Variants in RELN observed in about 807,000 individuals in gnomAD.
The protein encoded by RELN is reelin.
RELN carries 108 observed loss-of-function variants against 427.6 expected under a neutral mutation model. The ratio of observed to expected loss-of-function variants is 0.25; its 90% CI spans 0.22 to 0.30. The LOEUF is 0.30. Among genes scored for constraint, RELN ranks in the 10% least tolerant of loss-of-function variants. RELN has a pLI of 1.00. For missense variants in RELN, 3,715 were observed against 4,302.8 expected (o/e 0.86, Z 3.82); for synonymous variants, 1,524 against 1,513.4 (o/e 1.01, Z -0.16).
intron 19 of RELN, among the ~76,000 whole-genome samples, chr7:103,632,720 T>C (rs999921006): frequency 2.6e-5 from 4 of 152,160 alleles, no homozygotes; most frequent in African/African-American, 4.8e-5. Flanking sequence ...CCTCATAGAT[T>C]TTTTTAAATG....
intron 3 of RELN, among the ~76,000 whole-genome samples, chr7:103,827,823 A>G (rs1484738733): frequency 6.6e-6 from 1 of 152,076 alleles, no homozygotes; most frequent in Non-Finnish European, 1.5e-5. Flanking sequence ...AAAGAAAAAA[A>G]AGACGTGATT....
At position 103,558,079 on chromosome 7, in the gene RELN, C is replaced by A. The variant is rs970539654; in HGVS notation, c.5530-30G>T. 3.8e-6 allele frequency: 4 copies of A among 1,056,480 alleles called. No individual in the cohort carries two copies. The African/African-American group carries it at 4.7e-5, about 12-fold the overall frequency. 65.4% of individuals were successfully genotyped at this position (1,056,480 alleles called of 1,614,324 possible). A position where few individuals can be genotyped will look rare whatever the true frequency, so the allele number is the denominator to read the frequency against. ...AAATAAAAACATATACGTTAAGCAA[C>A]TTTTTTTCACTTGCAAAATTGTATC... is the stretch of plus-strand genomic sequence containing the variant. On this transcript the variant is annotated intron_variant, in intron 36 of 64. Transcript: ENST00000428762.
intron 12 of RELN, among the ~76,000 whole-genome samples, chr7:103,658,657 C>G (rs1404859930): frequency 6.6e-6 from 1 of 152,052 alleles, no homozygotes; most frequent in East Asian, 1.9e-4. Flanking sequence ...TGATAAAACT[C>G]TTGAAGTAGC....
Position 103,503,235 on chromosome 7 carries a change from TAAAC to T in RELN, c.8275-9_8275-6del, listed in dbSNP as rs748736976. The T allele has an allele frequency of 3.0e-5, 49 of 1,612,792 alleles. No individual in the cohort carries two copies. The highest frequency in any genetic ancestry group is 3.6e-5 in the Non-Finnish European group (43 of 1,178,938). On this transcript the variant is annotated splice_region_variant and splice_polypyrimidine_tract_variant and intron_variant, in intron 51 of 64. Coordinates refer to ENST00000428762, the MANE Select transcript of RELN (RefSeq NM_005045.4). ...CACCTTACATCCAACTGAGATCTAA[TAAAC>T]AGAAAAACAAGATCAAGGTATTAAA...
intron 2 of RELN, among the ~76,000 whole-genome samples, chr7:103,836,667 T>C (rs972744897): frequency 2.6e-5 from 4 of 152,260 alleles, no homozygotes; most frequent in Admixed American, 2.6e-4. Context: ...AAATGCTCTC[T>C]CTCCTCAACT....
chr7:103,650,328 T>A lies in RELN; in HGVS notation c.1948A>T (p.Ile650Phe), dbSNP rs371652596. The A allele has an allele frequency of 6.2e-6, 10 of 1,613,048 alleles. No homozygotes were observed. Among genetic ancestry groups the A allele is most frequent in the Non-Finnish European group, 8.5e-6 (10 of 1,179,434 alleles). The change falls in exon 16 of 65, where the codon ATT (isoleucine) becomes TTT (phenylalanine). Residue 650 changes from isoleucine to phenylalanine, a missense_variant. Coordinates refer to ENST00000428762, the MANE Select transcript of RELN (RefSeq NM_005045.4). ...ATTGGTCCTGTTTGTCTCCAGCGAATCCTGGTGTTCCGGGTTAGTGCTGCG... is the reference window on the plus strand; with the variant it reads ...ATTGGTCCTGTTTGTCTCCAGCGAAACCTGGTGTTCCGGGTTAGTGCTGCG... ...PNAALTRNTRIRWRQTGPILG... is the reference protein window; with the variant it reads ...PNAALTRNTRFRWRQTGPILG...
intron 10 of RELN, among the ~76,000 whole-genome samples, chr7:103,687,896 C>G (rs1190503421): frequency 6.6e-6 from 1 of 152,108 alleles, no homozygotes; most frequent in Non-Finnish European, 1.5e-5. Context: ...CGATCTGGCT[C>G]ATTTCCATGT....
intron 8 of RELN, among the ~76,000 whole-genome samples, chr7:103,718,592 C>T (rs1449855631): frequency 6.6e-6 from 1 of 152,060 alleles, no homozygotes; most frequent in East Asian, 1.9e-4. Context: ...CTCAGATCAC[C>T]TCCCCCAAGC....
intron 28 of RELN, among the ~76,000 whole-genome samples, chr7:103,581,761 C>A (rs2117222012): frequency 6.6e-6 from 1 of 152,166 alleles, no homozygotes; most frequent in Admixed American, 6.5e-5. Flanking sequence ...TGAGGCTTTG[C>A]AGTTACTTTT....
At chr7:103,481,559 C>G (rs980001871) in intron 63 of RELN, among the ~76,000 whole-genome samples, 4 of 152,122 alleles carry the variant, frequency 2.6e-5, no homozygotes, top group Non-Finnish European at 5.9e-5. Flanking sequence ...ATTTAAAGCC[C>G]CATCCAAAGG....
chr7:103,852,385 A>G (rs1793843981), intron 2 of RELN, among the ~76,000 whole-genome samples: 1 of 152,216 alleles, frequency 6.6e-6, no homozygotes, highest in Non-Finnish European at 1.5e-5. Context: ...CTGTGTTCAC[A>G]TCCATTTCTG....
At chr7:103,498,999 C>A (rs547418828) in intron 53 of RELN, among the ~76,000 whole-genome samples, 5 of 152,222 alleles carry the variant, frequency 3.3e-5, no homozygotes, top group African/African-American at 1.2e-4. Context: ...ATGGATTGTC[C>A]TGGTGTGTGT....
Position 103,892,381 on chromosome 7 carries a change from A to G in RELN, c.337+24694T>C, listed in dbSNP as rs187605518. Among the ~76,000 whole-genome samples, 210 of 152,304 alleles carry G rather than the reference A, an allele frequency of 1.4e-3. 3 individuals carry two copies. The South Asian group carries it at 0.028, about 20-fold the overall frequency. ...TTTACACACACATGTGACAGCACCC[A>G]CTAATTTCCTAACAAATTAAAAGGG... On this transcript the variant is annotated intron_variant, in intron 2 of 64. Coordinates refer to ENST00000428762, the MANE Select transcript of RELN (RefSeq NM_005045.4).
chr7:103,614,860 T>C (rs1832044216), intron 20 of RELN, among the ~76,000 whole-genome samples: 1 of 152,202 alleles, frequency 6.6e-6, no homozygotes, highest in Non-Finnish European at 1.5e-5. Context: ...AGACCATTCA[T>C]AGCGTTAGTC....
intron 1 of RELN, among the ~76,000 whole-genome samples, chr7:103,956,658 C>T (rs1242510815): frequency 6.6e-6 from 1 of 152,136 alleles, no homozygotes; most frequent in Non-Finnish European, 1.5e-5. Flanking sequence ...ATCGTGTTTA[C>T]ATCTTCTCCC....
chr7:103,751,288 A>G (rs150058738), intron 5 of RELN, among the ~76,000 whole-genome samples: 164 of 152,302 alleles, frequency 1.1e-3, no homozygotes, highest in African/African-American at 3.8e-3. Flanking sequence ...GGCTCACTCA[A>G]ATATAATTCT....
chr7:103,647,762 A>T (rs1201029697), intron 16 of RELN, among the ~76,000 whole-genome samples: 3 of 152,148 alleles, frequency 2.0e-5, no homozygotes, highest in Non-Finnish European at 4.4e-5. Flanking sequence ...CTAAGCAAAA[A>T]GAACAAAGCT....
At chr7:103,509,165 A>G (rs557519184) in intron 51 of RELN, among the ~76,000 whole-genome samples, 4 of 152,354 alleles carry the variant, frequency 2.6e-5, no homozygotes, top group Non-Finnish European at 2.9e-5. Flanking sequence ...TAAATTTCAC[A>G]TGGAACCAGA....
chr7:103,902,540 G>T lies in RELN; in HGVS notation c.337+14535C>A, dbSNP rs372129920. On this transcript the variant is annotated intron_variant, in intron 2 of 64. Transcript: ENST00000428762. ...TGAAAACATGTAGGAAGAAAAGCAG[G>T]AGAAGAGCTCAATCTGAATTTTTAC... Among the ~76,000 whole-genome samples, 555 of 152,134 alleles carry T rather than the reference G, an allele frequency of 3.6e-3. 4 individuals carry two copies. Among genetic ancestry groups the T allele is most frequent in the African/African-American group, 0.013 (526 of 41,516 alleles).
Sources: allele counts gnomAD v4.1 joint callset (sites outside exome capture counted in the v4.1 genomes callset), GRCh38; gene constraint gnomAD v4.1.1; transcripts MANE v1.5; gene names NCBI Gene and HGNC (gene_info 2026-07-23, HGNC 2026-07-21).